Variants in MKRN2OS observed in about 807,000 individuals in gnomAD.
MKRN2OS encodes MKRN2 opposite strand protein.
In MKRN2OS, 17 loss-of-function variants were observed where a neutral mutation model predicts 18.2. That is an observed-to-expected ratio of 0.93 (90% CI 0.64 to 1.40). The LOEUF is 1.40. Among genes scored for constraint, MKRN2OS ranks in the 40% most tolerant of loss-of-function variants. MKRN2OS has a pLI of 0.00. For synonymous variants in MKRN2OS, 121 were observed against 108.5 expected (o/e 1.12, Z -0.72); for missense variants, 337 against 283.0 (o/e 1.19, Z -1.37).
At chr3:12,551,957 A>C (rs2057932559), downstream of MKRN2OS, among the ~76,000 whole-genome samples, 1 of 152,098 alleles carries the variant, frequency 6.6e-6, no homozygotes, top group African/African-American at 2.4e-5. Context: ...AAAGAAAAAA[A>C]AATCAAGATG....
At chr3:12,559,595 G>C (rs1022172426) in intron 1 of MKRN2OS, among the ~76,000 whole-genome samples, 3 of 152,118 alleles carry the variant, frequency 2.0e-5, no homozygotes, top group African/African-American at 7.2e-5. Context: ...CTTATCAAAT[G>C]CTAGGAGTCT....
chr3:12,551,648 A>G (rs1407736822), downstream of MKRN2OS, among the ~76,000 whole-genome samples: 1 of 152,160 alleles, frequency 6.6e-6, no homozygotes, highest in Non-Finnish European at 1.5e-5. Flanking sequence ...TAAGAAAAAA[A>G]ATCAAGGCCA....
Position 12,541,875 on chromosome 3 carries a change from G to GC in MKRN2OS, c.415dup (p.Ala139GlyfsTer8), listed in dbSNP as rs764611430. ...AGTCGTGTACCTGTGAGGCAGCCAG[G>GC]CCCCCGAGGTGGAGAAGTCTTCCAG... On this transcript the variant is annotated frameshift_variant, in exon 3 of 4. Coordinates refer to ENST00000564146, the MANE Select transcript of MKRN2OS (RefSeq NM_001195279.2). LOFTEE classifies it low-confidence loss of function (END_TRUNC). 6 of 1,535,440 alleles carry GC rather than the reference G, an allele frequency of 3.9e-6. No homozygotes were observed. The African/African-American group carries it at 6.8e-5, about 18-fold the overall frequency.
chr3:12,545,419 A>C lies in MKRN2OS; in HGVS notation c.46T>G (p.Cys16Gly). The change falls in exon 1 of 4, where the codon TGT becomes GGT. Residue 16 changes from cysteine to glycine, a missense_variant. Physicochemically the swap from Cys to Gly is radical, Grantham distance 159. Transcript: ENST00000564146. ...CTGAAGCTGTAGATGTATTTCTCACAGTGGTTGAATTTAATTAAAGCCTTC... is the reference window on the plus strand; with the variant it reads ...CTGAAGCTGTAGATGTATTTCTCACCGTGGTTGAATTTAATTAAAGCCTTC... ...AGKALIKFNH[C>G]EKYIYSFSVP... The C allele has an allele frequency of 6.5e-7, 1 of 1,535,248 alleles. No homozygotes were observed. The highest frequency in any genetic ancestry group is 8.7e-7 in the Non-Finnish European group (1 of 1,146,584).
chr3:12,557,173 G>T, intron 1 of MKRN2OS: 2 of 1,536,782 alleles, frequency 1.3e-6, no homozygotes. Context: ...CAGATCACTT[G>T]CAGGTCAGTG....
chr3:12,543,240 C>A lies in MKRN2OS; in HGVS notation c.219-11G>T, dbSNP rs1292141813. The A allele has an allele frequency of 1.5e-4, 223 of 1,527,496 alleles. No individual in the cohort carries two copies. The highest frequency in any genetic ancestry group is 1.8e-4 in the Non-Finnish European group (209 of 1,144,212). The allele number at this position is 1,527,496 out of a possible 1,614,324, so 94.6% of individuals were successfully genotyped here. ...CTTCCATCATACTCTCTGAAAGAAA[C>A]AAGGTTTGTTTTTTTTTGGTTTGCA... is the stretch of plus-strand genomic sequence containing the variant. On this transcript the variant is annotated splice_polypyrimidine_tract_variant and intron_variant, in intron 1 of 3. Transcript: ENST00000564146.
At chr3:12,540,792 A>C (rs2057791168) in intron 3 of MKRN2OS, among the ~76,000 whole-genome samples, 1 of 150,200 alleles carries the variant, frequency 6.7e-6, no homozygotes, top group Non-Finnish European at 1.5e-5. Context: ...GAATTGTTTG[A>C]ACCGGCGGGA....
At chr3:12,541,662 G>A (rs1281956592) in intron 3 of MKRN2OS, among the ~76,000 whole-genome samples, 198 bp downstream of exon 3, 1 of 152,176 alleles carries the variant, frequency 6.6e-6, no homozygotes, top group East Asian at 1.9e-4. Flanking sequence ...TTTGTTGTAT[G>A]TGTATGCTGA....
In MKRN2OS at chr3:12,545,415, T is replaced by C. The variant is rs2057872694; in HGVS notation, c.50A>G (p.Glu17Gly). The part of the protein sequence containing the change: ...GKALIKFNHC[E>G]KYIYSFSVPQ... ...CACACTGAAGCTGTAGATGTATTTC[T>C]CACAGTGGTTGAATTTAATTAAAGC... The change falls in exon 1 of 4, where the codon GAG becomes GGG. Residue 17 changes from glutamate to glycine, a missense_variant. Transcript: ENST00000564146. 1 of 1,535,288 alleles carries C rather than the reference T, an allele frequency of 6.5e-7. No individual in the cohort carries two copies. The highest frequency in any genetic ancestry group is 2.0e-5 in the Admixed American group (1 of 50,954).
intron 1 of MKRN2OS, among the ~76,000 whole-genome samples, chr3:12,554,696 G>T (rs999848870): frequency 1.3e-5 from 2 of 152,016 alleles, no homozygotes; most frequent in African/African-American, 4.8e-5. Flanking sequence ...TCTATGTACT[G>T]ATATGGAAAA....
At chr3:12,546,914 A>G (rs559002220), upstream of MKRN2OS, among the ~76,000 whole-genome samples, 58 of 152,270 alleles carry the variant, frequency 3.8e-4, no homozygotes, top group Non-Finnish European at 7.1e-4. Flanking sequence ...ACAATGTGCA[A>G]TAATCACATC....
chr3:12,542,097 G>T, intron 2 of MKRN2OS, 75 bp from the exon 3 acceptor site: 2 of 1,411,070 alleles, frequency 1.4e-6, no homozygotes, highest in South Asian at 1.4e-5. Flanking sequence ...ATCAGAAAAT[G>T]ACAGTAGCCA....
chr3:12,540,196 G>C lies in MKRN2OS; in HGVS notation c.669C>G (p.Cys223Trp), dbSNP rs2057774092. The C allele has an allele frequency of 2.6e-6, 4 of 1,535,988 alleles. No individual in the cohort carries two copies. The highest frequency in any genetic ancestry group is 3.9e-5 in the Admixed American group (2 of 50,972). The change falls in exon 4 of 4, where the codon TGC becomes TGG. Residue 223 changes from cysteine (C) to tryptophan (W), a missense_variant. Coordinates refer to ENST00000564146, the MANE Select transcript of MKRN2OS (RefSeq NM_001195279.2). The stretch of plus-strand genomic sequence containing the variant: ...CCAGGCTGCGCTTACATAGCTCTCA[G>C]CACAAACCGCCGCCCTCAGGGGGTT... ...QAQPPEGGGL[C>W]
upstream of MKRN2OS, among the ~76,000 whole-genome samples, chr3:12,548,365 G>T (rs9861920): frequency 0.57 from 84,588 of 149,240 alleles, 26,280 homozygotes; most frequent in African/African-American, 0.83. Context: ...GGAGAATGGC[G>T]TGAACCCGGG....
chr3:12,558,874 T>G (rs1006996219), intron 1 of MKRN2OS, among the ~76,000 whole-genome samples: 2 of 152,206 alleles, frequency 1.3e-5, no homozygotes, highest in Non-Finnish European at 2.9e-5. Context: ...TCTTAGGTAC[T>G]GTAGTGTATA....
chr3:12,547,062 C>G (rs1321025279), upstream of MKRN2OS, among the ~76,000 whole-genome samples: 1 of 152,064 alleles, frequency 6.6e-6, no homozygotes, highest in African/African-American at 2.4e-5. Context: ...GAGCCAAGAT[C>G]ATCCCACTGT....
chr3:12,554,047 A>T (rs2057948055), exon 2 of MKRN2OS: 1 of 152,146 alleles, frequency 6.6e-6, no homozygotes, highest in South Asian at 2.1e-4. Flanking sequence ...GCTGGCAGCC[A>T]CCCTTCTCTT....
upstream of MKRN2OS, among the ~76,000 whole-genome samples, chr3:12,545,841 C>CT (rs2057877971): frequency 1.3e-5 from 2 of 152,206 alleles, no homozygotes; most frequent in South Asian, 2.1e-4. Flanking sequence ...GGGTCTCACT[C>CT]TGTCACCCAA....
rs1464279987 is a variant in MKRN2OS at position 12,540,250 on chromosome 3, G to A, written c.615C>T (p.Tyr205=). The A allele has an allele frequency of 5.9e-6, 9 of 1,536,146 alleles. No individual in the cohort carries two copies. Among genetic ancestry groups the A allele is most frequent in the South Asian group, 3.6e-5 (3 of 84,062 alleles). Residue 205 remains tyrosine (Y), a synonymous_variant, in exon 4 of 4, where the codon TAC becomes TAT. Coordinates refer to ENST00000564146, the MANE Select transcript of MKRN2OS (RefSeq NM_001195279.2). ...CCTGCTGCTGGGGACAGTCAGTGAC[G>A]TAGAAGCCATGCTCCCGTATCGCCC... The part of the protein sequence containing the change: ...LYRAIREHGF[Y]VTDCPQQQAQ...
Sources: allele counts gnomAD v4.1 joint callset (sites outside exome capture counted in the v4.1 genomes callset), GRCh38; gene constraint gnomAD v4.1.1; transcripts MANE v1.5; gene names NCBI Gene and HGNC (gene_info 2026-07-23, HGNC 2026-07-21).